LRMDA: variants seen among roughly 807,000 people sequenced by gnomAD.
LRMDA encodes leucine-rich melanocyte differentiation-associated protein.
A neutral mutation model predicts 29.8 loss-of-function variants in LRMDA; 18 were observed. The observed-to-expected ratio is 0.60, with a 90% CI of 0.42 to 0.90. The LOEUF (loss-of-function observed/expected upper bound fraction) is 0.90, where lower values mean the gene tolerates loss of function less well. Among genes scored for constraint, LRMDA ranks in the 40% least tolerant of loss-of-function variants. The pLI, the probability that LRMDA is intolerant of heterozygous loss-of-function variation, is 0.00. For missense variants in LRMDA, 273 were observed against 273.9 expected (o/e 1.00, Z 0.02); for synonymous variants, 125 against 109.4 (o/e 1.14, Z -0.89).
At chr10:75,888,440 C>T (rs1455676372) in intron 2 of LRMDA, among the ~76,000 whole-genome samples, 1 of 152,138 alleles carries the variant, frequency 6.6e-6, no homozygotes, top group African/African-American at 2.4e-5. Context: ...CTAGAAACTC[C>T]ACATCCCTGA....
chr10:75,537,264 C>G (rs181802421), intron 2 of LRMDA, among the ~76,000 whole-genome samples: 29 of 152,258 alleles, frequency 1.9e-4, no homozygotes, highest in African/African-American at 7.0e-4. Flanking sequence ...TTTCCATCAC[C>G]TGGAGGCATT....
intron 2 of LRMDA, among the ~76,000 whole-genome samples, chr10:75,788,164 G>A (rs192445249): frequency 1.4e-4 from 22 of 152,334 alleles, no homozygotes; most frequent in Middle Eastern, 3.4e-3. Context: ...TTGTGCCACC[G>A]CACTGCAGCC....
rs1362566144 is a variant in LRMDA at position 75,662,112 on chromosome 10, T to C, written c.131+223618T>C. 2.2e-5 allele frequency among the ~76,000 whole-genome samples: 3 copies of C among 137,500 alleles called. No individual in the cohort carries two copies. In the South Asian group the frequency reaches 7.7e-4, roughly 35 times the overall value. 90.2% of individuals were successfully genotyped at this position (137,500 alleles called of 152,430 possible). A position where few individuals can be genotyped will look rare whatever the true frequency, so the allele number is the denominator to read the frequency against. On this transcript the variant is annotated intron_variant, in intron 2 of 6. Transcript: ENST00000611255. Reference sequence around the variant, plus strand: ...TTTTAAAGGGGAGGAATTTAGCTGCTTTTTTTTTTTCTGCCAAAATTGCTT... The same window carrying C: ...TTTTAAAGGGGAGGAATTTAGCTGCCTTTTTTTTTTCTGCCAAAATTGCTT...
chr10:75,885,525 A>G lies in LRMDA; in HGVS notation c.132-150483A>G, dbSNP rs149270972. Among the ~76,000 whole-genome samples, 113 of 152,106 alleles carry G rather than the reference A, an allele frequency of 7.4e-4. 1 individual carries two copies. Among genetic ancestry groups the G allele is most frequent in the East Asian group, 6.4e-3 (33 of 5,164 alleles). ...GTTATAGAAGCTCCTGGTGTAGCTG[A>G]CAATGTGAATACAGTCAATCTCAGG... On this transcript the variant is annotated intron_variant, in intron 2 of 6. Transcript: ENST00000611255.
At position 75,734,140 on chromosome 10, in the gene LRMDA, T is replaced by C. The variant is rs4746325; in HGVS notation, c.131+295646T>C. On this transcript the variant is annotated intron_variant, in intron 2 of 6. Coordinates refer to ENST00000611255, the MANE Select transcript of LRMDA (RefSeq NM_001305581.2). ...CTGACTGCTCAGGGCTGGAGTGTTCTGTGGTCTTCTAACTCTCCTGCTTGC... is the reference window on the plus strand; with the variant it reads ...CTGACTGCTCAGGGCTGGAGTGTTCCGTGGTCTTCTAACTCTCCTGCTTGC... 4.8e-3 allele frequency among the ~76,000 whole-genome samples: 734 copies of C among 152,322 alleles called. 9 individuals are homozygous for C. The highest frequency in any genetic ancestry group is 0.017 in the African/African-American group (701 of 41,578).
At chr10:75,621,360 G>C (rs1364261321) in intron 2 of LRMDA, among the ~76,000 whole-genome samples, 3 of 152,138 alleles carry the variant, frequency 2.0e-5, no homozygotes, top group East Asian at 3.9e-4. Context: ...TGGACTTTGT[G>C]GTTATCCTTT....
At chr10:76,173,352 A>G (rs116957973) in intron 5 of LRMDA, among the ~76,000 whole-genome samples, 4,967 of 152,334 alleles carry the variant, frequency 0.033, 104 homozygotes, top group Middle Eastern at 0.082. Flanking sequence ...GTACAAACAG[A>G]AATCAGTGAA....
At chr10:75,931,059 A>G (rs1846197694) in intron 2 of LRMDA, among the ~76,000 whole-genome samples, 1 of 152,214 alleles carries the variant, frequency 6.6e-6, no homozygotes, top group South Asian at 2.1e-4. Context: ...GGAACAGACA[A>G]GAGACAATTA....
chr10:75,496,970 A>G (rs1845051743), intron 2 of LRMDA, among the ~76,000 whole-genome samples: 1 of 152,022 alleles, frequency 6.6e-6, no homozygotes. Flanking sequence ...ATCCTAGATT[A>G]AGAACTCCTG....
chr10:75,586,942 G>C (rs1309731166), intron 2 of LRMDA, among the ~76,000 whole-genome samples: 1 of 151,938 alleles, frequency 6.6e-6, no homozygotes, highest in African/African-American at 2.4e-5. Context: ...TTACTCTGTT[G>C]ATTGATTTCT....
chr10:76,514,221 C>G (rs1843037482), intron 6 of LRMDA, among the ~76,000 whole-genome samples: 1 of 152,136 alleles, frequency 6.6e-6, no homozygotes, highest in African/African-American at 2.4e-5. Context: ...GCAAATGCAG[C>G]TCAAAATACA....
intron 6 of LRMDA, among the ~76,000 whole-genome samples, chr10:76,541,686 G>T (rs1416588392): frequency 6.6e-6 from 1 of 151,952 alleles, no homozygotes; most frequent in Non-Finnish European, 1.5e-5. Context: ...TTCTTCCTCT[G>T]CTCACTATTT....
chr10:75,693,409 C>T (rs1319693270), intron 2 of LRMDA, among the ~76,000 whole-genome samples: 1 of 152,182 alleles, frequency 6.6e-6, no homozygotes, highest in African/African-American at 2.4e-5. Context: ...TGCTAGTTTA[C>T]ATTAGCTTAA....
intron 2 of LRMDA, among the ~76,000 whole-genome samples, chr10:75,712,261 G>T (rs929399086): frequency 6.6e-6 from 1 of 151,924 alleles, no homozygotes; most frequent in Non-Finnish European, 1.5e-5. Flanking sequence ...TTCTCCCTCC[G>T]TGCGTCTTTC....
At chr10:75,985,121 C>G (rs1014261693) in intron 2 of LRMDA, among the ~76,000 whole-genome samples, 3 of 151,908 alleles carry the variant, frequency 2.0e-5, no homozygotes, top group African/African-American at 4.8e-5. Context: ...CAGAACTTCT[C>G]ATATTTATTT....
At chr10:75,842,044 T>A (rs1315077976) in intron 2 of LRMDA, among the ~76,000 whole-genome samples, 1 of 152,242 alleles carries the variant, frequency 6.6e-6, no homozygotes, top group East Asian at 1.9e-4. Flanking sequence ...ATGCCAGGCA[T>A]TGAAATGAAA....
At chr10:76,164,751 A>G (rs531864344) in intron 5 of LRMDA, among the ~76,000 whole-genome samples, 1 of 152,306 alleles carries the variant, frequency 6.6e-6, no homozygotes, top group East Asian at 1.9e-4. Flanking sequence ...AAAATAGGAA[A>G]CAATTTAATT....
chr10:76,542,619 T>TG (rs1843370652), intron 6 of LRMDA, among the ~76,000 whole-genome samples: 1 of 152,240 alleles, frequency 6.6e-6, no homozygotes, highest in African/African-American at 2.4e-5. Flanking sequence ...TTAATTGCGT[T>TG]GTTAATTGAT....
chr10:75,820,003 G>T (rs945449313), intron 2 of LRMDA, among the ~76,000 whole-genome samples: 1 of 152,172 alleles, frequency 6.6e-6, no homozygotes, highest in Non-Finnish European at 1.5e-5. Flanking sequence ...ATACTAGAGT[G>T]CCCAGAATCA....
Sources: allele counts gnomAD v4.1 joint callset (sites outside exome capture counted in the v4.1 genomes callset), GRCh38; gene constraint gnomAD v4.1.1; transcripts MANE v1.5; gene names NCBI Gene and HGNC (gene_info 2026-07-23, HGNC 2026-07-21).